The following BCAS3 variants were observed in gnomAD, a reference collection of about 807,000 sequenced individuals.
BCAS3 encodes the protein BCAS3 microtubule associated cell migration factor.
BCAS3 carries 53 observed loss-of-function variants against 116.1 expected under a neutral mutation model. The ratio of observed to expected loss-of-function variants is 0.46; its 90% CI spans 0.37 to 0.57. BCAS3 has a LOEUF of 0.57. Ranked by LOEUF, BCAS3 falls within the 20% of genes least tolerant of loss-of-function variation. BCAS3 has a pLI of 0.00. For synonymous variants in BCAS3, 391 were observed against 408.2 expected (o/e 0.96, Z 0.51); for missense variants, 917 against 1,165.4 (o/e 0.79, Z 3.10).
chr17:61,053,560 C>T (rs541174345), intron 19 of BCAS3, among the ~76,000 whole-genome samples: 3 of 152,324 alleles, frequency 2.0e-5, no homozygotes, highest in Admixed American at 1.3e-4. Context: ...GAGCTGCTCC[C>T]TTTCAAATGT....
intron 22 of BCAS3, among the ~76,000 whole-genome samples, chr17:61,288,287 G>A (rs2052032302): frequency 6.6e-6 from 1 of 152,168 alleles, no homozygotes; most frequent in South Asian, 2.1e-4. Flanking sequence ...GTCATCTGCT[G>A]GCCCTAAAGT....
intron 10 of BCAS3, among the ~76,000 whole-genome samples, chr17:60,895,154 A>G (rs917770202): frequency 6.6e-6 from 1 of 151,832 alleles, no homozygotes; most frequent in African/African-American, 2.4e-5. Context: ...TCTTTTGTAC[A>G]TTTGGTAGGA....
rs1395851076 is a variant in BCAS3 at position 60,747,193 on chromosome 17, T to G, written c.322-5T>G. The G allele has an allele frequency of 6.2e-7, 1 of 1,604,360 alleles. No individual in the cohort carries two copies. The highest frequency in any genetic ancestry group is 8.5e-7 in the Non-Finnish European group (1 of 1,171,692). ...CTGAAATATTTTCTTTCTTCTCTTA[T>G]GCAGATCAGTGGTGAAGCACAAGAG... On this transcript the variant is annotated splice_polypyrimidine_tract_variant and splice_region_variant and intron_variant, in intron 5 of 23. Transcript: ENST00000407086.
At chr17:60,800,741 C>A (rs77223893) in intron 6 of BCAS3, among the ~76,000 whole-genome samples, 1 of 151,908 alleles carries the variant, frequency 6.6e-6, no homozygotes, top group Non-Finnish European at 1.5e-5. Context: ...AATCTGTGAT[C>A]AATTTTGTGT....
Position 60,961,903 on chromosome 17 carries a change from AC to A in BCAS3, c.1221+14552del, listed in dbSNP as rs962325772. Among the ~76,000 whole-genome samples the A allele has an allele frequency of 1.3e-5, 2 of 152,136 alleles. No individual in the cohort carries two copies. The highest frequency in any genetic ancestry group is 4.8e-5 in the African/African-American group (2 of 41,426). On this transcript the variant is annotated intron_variant, in intron 14 of 23. Coordinates refer to ENST00000407086, the MANE Select transcript of BCAS3 (RefSeq NM_017679.5). This position sits in a 1 kb window ranked among gnomAD's most constrained non-coding sequence, Gnocchi z 4.8. The stretch of plus-strand genomic sequence containing the variant: ...TGAACTACAAAAGGATCAAAGATCC[AC>A]TTTTGTAGTTCCCACCTAGGAGTGA...
intron 19 of BCAS3, among the ~76,000 whole-genome samples, chr17:61,067,741 AT>A (rs760365737): frequency 0.016 from 1,823 of 114,794 alleles, 14 homozygotes; most frequent in African/African-American, 0.059. Flanking sequence ...AAAAAAAAAA[AT>A]ATATATATAT....
chr17:61,305,343 A>G (rs893266734), intron 22 of BCAS3, among the ~76,000 whole-genome samples: 1 of 152,132 alleles, frequency 6.6e-6, no homozygotes, highest in Non-Finnish European at 1.5e-5. Context: ...CAGCCTGCCC[A>G]GTGAGCCCAA....
At chr17:60,777,717 A>G (rs2045443818) in intron 6 of BCAS3, among the ~76,000 whole-genome samples, 1 of 151,852 alleles carries the variant, frequency 6.6e-6, no homozygotes, top group South Asian at 2.1e-4. Flanking sequence ...TTCAATCTCC[A>G]TCTCTCTCTT....
intron 22 of BCAS3, among the ~76,000 whole-genome samples, chr17:61,270,404 T>C (rs1035819367): frequency 2.0e-5 from 3 of 152,160 alleles, no homozygotes; most frequent in African/African-American, 7.2e-5. Context: ...ATTACAGGCA[T>C]AAGCCACCAT....
rs147418325 is a variant in BCAS3 at position 61,363,106 on chromosome 17, A to T, written c.2426-5221A>T. On this transcript the variant is annotated intron_variant, in intron 22 of 23. Coordinates refer to ENST00000407086, the MANE Select transcript of BCAS3 (RefSeq NM_017679.5). This position sits in a 1 kb window ranked among gnomAD's most constrained non-coding sequence, Gnocchi z 4.9. ...TCTAAACTAGTTAGAAAAGCAGTTC[A>T]TGTGAACAGTGTAAGGCAGTACGGA... Among the ~76,000 whole-genome samples, 794 of 152,320 alleles carry T rather than the reference A, an allele frequency of 5.2e-3. 8 individuals carry two copies. The highest frequency in any genetic ancestry group is 0.018 in the African/African-American group (765 of 41,568).
At chr17:61,359,760 G>A (rs2058355584) in intron 22 of BCAS3, among the ~76,000 whole-genome samples, 1 of 152,124 alleles carries the variant, frequency 6.6e-6, no homozygotes, top group African/African-American at 2.4e-5. Context: ...CGAAGTGCTG[G>A]GATTAAAGGC....
At position 61,315,378 on chromosome 17, in the gene BCAS3, C is replaced by A. The variant is rs959834922; in HGVS notation, c.2426-52949C>A. 3.3e-5 allele frequency among the ~76,000 whole-genome samples: 5 copies of A among 152,292 alleles called. No individual in the cohort carries two copies. The highest frequency in any genetic ancestry group is 1.2e-4 in the African/African-American group (5 of 41,564). The stretch of plus-strand genomic sequence containing the variant: ...AGGTGATCCGGCCGCCTCAGCCTCC[C>A]AAAGTGCTGGGATTACAGGTGTGAG... On this transcript the variant is annotated intron_variant, in intron 22 of 23. Coordinates refer to ENST00000407086, the MANE Select transcript of BCAS3 (RefSeq NM_017679.5). This position sits in a 1 kb window ranked among gnomAD's most constrained non-coding sequence, Gnocchi z 5.3.
rs1250280659 is a variant in BCAS3, at chr17:61,355,659, T to C, written c.2426-12668T>C. 6.6e-6 allele frequency among the ~76,000 whole-genome samples: 1 copy of C among 152,216 alleles called. No individual in the cohort carries two copies. The highest frequency in any genetic ancestry group is 1.5e-5 in the Non-Finnish European group (1 of 68,042). ...GAACAATAACATCCACCTCATAAGT[T>C]ATTGGGATGATTTCAGTGCAATAGT... On this transcript the variant is annotated intron_variant, in intron 22 of 23. Coordinates refer to ENST00000407086, the MANE Select transcript of BCAS3 (RefSeq NM_017679.5). This position sits in a 1 kb window ranked among gnomAD's most constrained non-coding sequence, Gnocchi z 4.2.
At chr17:60,985,141 C>CT (rs560277871) in intron 14 of BCAS3, among the ~76,000 whole-genome samples, 1,207 of 120,318 alleles carry the variant, frequency 0.01, 14 homozygotes, top group South Asian at 0.014. Context: ...CAACTGTATT[C>CT]TTTTTTTTTT....
At chr17:60,769,639 T>G (rs8071059) in intron 6 of BCAS3, among the ~76,000 whole-genome samples, 41,690 of 152,088 alleles carry the variant, frequency 0.27, 11,425 homozygotes, top group African/African-American at 0.71. Context: ...CTTGTGCTGT[T>G]GGTCCACAGC....
In BCAS3 at chr17:61,083,312, T is replaced by C. The variant is rs989819782; in HGVS notation, c.2328-1155T>C. Among the ~76,000 whole-genome samples, 2 of 151,754 alleles carry C rather than the reference T, an allele frequency of 1.3e-5. No individual in the cohort carries two copies. The highest frequency in any genetic ancestry group is 4.9e-5 in the African/African-American group (2 of 40,990). ...TAGTTTTATTTTGCATTGTCATGAATGTTCATGTGCTATGTCATATATATA... is the reference window on the plus strand; with the variant it reads ...TAGTTTTATTTTGCATTGTCATGAACGTTCATGTGCTATGTCATATATATA... On this transcript the variant is annotated intron_variant, in intron 21 of 23. Coordinates refer to ENST00000407086, the MANE Select transcript of BCAS3 (RefSeq NM_017679.5). This position sits in a 1 kb window ranked among gnomAD's most constrained non-coding sequence, Gnocchi z 4.9.
chr17:61,121,352 A>G (rs758884357), intron 22 of BCAS3, among the ~76,000 whole-genome samples: 1 of 152,144 alleles, frequency 6.6e-6, no homozygotes, highest in Non-Finnish European at 1.5e-5. Flanking sequence ...TCAACATTGT[A>G]TTATTTGATA....
intron 22 of BCAS3, among the ~76,000 whole-genome samples, chr17:61,240,107 A>ACAGCAG (rs59917361): frequency 1.1e-3 from 173 of 151,914 alleles, no homozygotes; most frequent in African/African-American, 3.8e-3. Context: ...TGCTGTCTCA[A>ACAGCAG]CAGCAGCAGC....
intron 7 of BCAS3, among the ~76,000 whole-genome samples, chr17:60,812,097 A>G (rs1458631616): frequency 6.6e-6 from 1 of 151,840 alleles, no homozygotes; most frequent in African/African-American, 2.4e-5. Context: ...AAGTTGTTTT[A>G]TGGATGTAGA....
Sources: gnomAD v4.1 joint callset for allele counts (sites outside exome capture counted in the v4.1 genomes callset) on GRCh38, gnomAD v4.1.1 for gene constraint, Gnocchi (gnomAD v3.1) non-coding constraint, MANE v1.5 for transcripts, NCBI Gene and HGNC (gene_info 2026-07-23, HGNC 2026-07-21) for gene names.